Variants in MRPS28 observed in about 807,000 individuals in gnomAD.
MRPS28 encodes the protein mitochondrial ribosomal protein S28.
A neutral mutation model predicts 10.8 loss-of-function variants in MRPS28; 7 were observed. The observed-to-expected ratio is 0.65, with a 90% CI of 0.37 to 1.22. The LOEUF is 1.22. Ranked by LOEUF, MRPS28 falls within the 50% of genes most tolerant of loss-of-function variation. MRPS28 has a pLI of 0.02. For synonymous variants in MRPS28, 121 were observed against 93.3 expected (o/e 1.30, Z -1.71); for missense variants, 265 against 232.9 (o/e 1.14, Z -0.90).
chr8:79,926,528 A>T (rs1810239362), intron 2 of MRPS28, among the ~76,000 whole-genome samples: 1 of 152,246 alleles, frequency 6.6e-6, no homozygotes, highest in Non-Finnish European at 1.5e-5. Flanking sequence ...CTTATTTATA[A>T]AGTACAATAG....
chr8:79,990,690 T>C (rs1808337167), intron 2 of MRPS28, among the ~76,000 whole-genome samples: 1 of 151,780 alleles, frequency 6.6e-6, no homozygotes, highest in African/African-American at 2.4e-5. Flanking sequence ...AGACAATGAT[T>C]AGGAGAAAGT....
chr8:79,956,698 A>T (rs188604975), intron 2 of MRPS28: 2 of 152,176 alleles, frequency 1.3e-5, no homozygotes, highest in Admixed American at 1.3e-4. Context: ...AATTCTTATC[A>T]TTTATAGCTT....
chr8:79,938,173 C>G (rs138767030), intron 2 of MRPS28, among the ~76,000 whole-genome samples: 1 of 150,564 alleles, frequency 6.6e-6, no homozygotes, highest in East Asian at 2.0e-4. Flanking sequence ...AAACATACTT[C>G]GGGGAAGTGC....
At chr8:80,008,259 T>G (rs1427966628) in intron 1 of MRPS28, among the ~76,000 whole-genome samples, 4 of 152,168 alleles carry the variant, frequency 2.6e-5, no homozygotes, top group Non-Finnish European at 5.9e-5. Flanking sequence ...TTACACCTTA[T>G]ACAAAAATTA....
intron 2 of MRPS28, among the ~76,000 whole-genome samples, chr8:79,978,337 AT>A (rs33952224): frequency 0.68 from 103,667 of 151,400 alleles, 35,673 homozygotes; most frequent in East Asian, 0.84. Context: ...TGACAGTTGT[AT>A]TTTTTTTTTC....
chr8:79,970,037 A>T (rs903852157), intron 2 of MRPS28, among the ~76,000 whole-genome samples: 1 of 152,208 alleles, frequency 6.6e-6, no homozygotes, highest in Non-Finnish European at 1.5e-5. Context: ...GTGTGATGCC[A>T]TTCCTACAGT....
At chr8:79,978,610 A>G (rs1310858534) in intron 2 of MRPS28, among the ~76,000 whole-genome samples, 3 of 152,256 alleles carry the variant, frequency 2.0e-5, no homozygotes, top group Admixed American at 2.0e-4. Context: ...AAGACAGGAT[A>G]TAAGAGTAAG....
At chr8:80,012,447 G>C (rs1381438654) in intron 1 of MRPS28, among the ~76,000 whole-genome samples, 1 of 152,148 alleles carries the variant, frequency 6.6e-6, no homozygotes, top group African/African-American at 2.4e-5. Flanking sequence ...TTCACTACAG[G>C]GAGTCCTGTT....
chr8:79,947,136 G>A (rs1304672998), intron 2 of MRPS28, among the ~76,000 whole-genome samples: 4 of 152,106 alleles, frequency 2.6e-5, no homozygotes, highest in East Asian at 1.9e-4. Context: ...CTTTATATAC[G>A]CAAGCAAAAA....
intron 2 of MRPS28, among the ~76,000 whole-genome samples, chr8:79,974,092 T>C (rs1807715882): frequency 6.6e-6 from 1 of 152,118 alleles, no homozygotes; most frequent in Non-Finnish European, 1.5e-5. Context: ...AAATTTGCCC[T>C]TTCTTTTCAG....
intron 2 of MRPS28, among the ~76,000 whole-genome samples, chr8:79,937,445 C>T (rs1202888592): frequency 1.3e-5 from 2 of 152,118 alleles, no homozygotes; most frequent in African/African-American, 4.8e-5. Flanking sequence ...TAGGCAACCA[C>T]AAAATTACAG....
In MRPS28 at chr8:80,024,163, AG is replaced by A. The variant is rs909387109; in HGVS notation, c.213+5872del. Among the ~76,000 whole-genome samples, 16 of 152,096 alleles carry A rather than the reference AG, an allele frequency of 1.1e-4. No individual in the cohort carries two copies. The South Asian group carries it at 2.3e-3, about 22-fold the overall frequency. ...GAGAATCACCTGAGCCAAGGGAGAG[AG>A]GTTGCAGTGAGCCAAGTTTGCACCA... On this transcript the variant is annotated intron_variant, in intron 1 of 2. Transcript: ENST00000276585.
At chr8:79,926,138 G>A (rs1019875825) in intron 2 of MRPS28, among the ~76,000 whole-genome samples, 1 of 151,770 alleles carries the variant, frequency 6.6e-6, no homozygotes, top group African/African-American at 2.4e-5. Flanking sequence ...CATATGGAAA[G>A]GGGAAAAAAA....
At position 79,972,804 on chromosome 8, in the gene MRPS28, T is replaced by A. The variant is rs114870394; in HGVS notation, c.395+30195A>T. ...ATTGCTATTTTACAAAGGATTACAGTATAGTGAATATTTCCTTAATTGCTG... is the reference window on the plus strand; with the variant it reads ...ATTGCTATTTTACAAAGGATTACAGAATAGTGAATATTTCCTTAATTGCTG... On this transcript the variant is annotated intron_variant, in intron 2 of 2. Coordinates refer to ENST00000276585, the MANE Select transcript of MRPS28 (RefSeq NM_014018.3). 8.6e-3 allele frequency among the ~76,000 whole-genome samples: 1,310 copies of A among 152,314 alleles called. 26 individuals are homozygous for A. Among genetic ancestry groups the A allele is most frequent in the African/African-American group, 0.03 (1,248 of 41,560 alleles).
At chr8:79,957,942 A>C (rs1214600397) in intron 2 of MRPS28, 1 of 153,530 alleles carries the variant, frequency 6.5e-6, no homozygotes, top group Non-Finnish European at 1.4e-5. Context: ...AGCTAGGCTA[A>C]TGATTTAGTC....
chr8:79,999,726 A>G (rs1808608132), intron 2 of MRPS28, among the ~76,000 whole-genome samples: 1 of 152,206 alleles, frequency 6.6e-6, no homozygotes, highest in Admixed American at 6.5e-5. Context: ...CAGGTAGAGA[A>G]AATAAGTAAT....
At chr8:80,004,791 A>G (rs187949070) in intron 1 of MRPS28, among the ~76,000 whole-genome samples, 2 of 152,366 alleles carry the variant, frequency 1.3e-5, no homozygotes, top group African/African-American at 4.8e-5. Flanking sequence ...AAGTCCTTAA[A>G]TGACCTGATG....
chr8:80,013,634 C>CAA (rs5892700), intron 1 of MRPS28, among the ~76,000 whole-genome samples: 13 of 75,606 alleles, frequency 1.7e-4, no homozygotes, highest in African/African-American at 5.4e-4. Context: ...GACTCCATCT[C>CAA]AAAAAAAAAA....
At chr8:79,921,710 C>T (rs2129844946) in intron 2 of MRPS28, among the ~76,000 whole-genome samples, 2 of 152,176 alleles carry the variant, frequency 1.3e-5, no homozygotes, top group South Asian at 4.2e-4. Flanking sequence ...TCTAGATATA[C>T]AATCATGTCA....
Sources: gnomAD v4.1 joint callset for allele counts (sites outside exome capture counted in the v4.1 genomes callset) on GRCh38, gnomAD v4.1.1 for gene constraint, MANE v1.5 for transcripts, NCBI Gene and HGNC (gene_info 2026-07-23, HGNC 2026-07-21) for gene names.